Variants in CCSER1 observed in about 807,000 individuals in gnomAD.
CCSER1 encodes serine-rich coiled-coil domain-containing protein 1.
A neutral mutation model predicts 82.0 loss-of-function variants in CCSER1; 41 were observed. That is an observed-to-expected ratio of 0.50 (90% CI 0.39 to 0.65). The LOEUF is 0.65. CCSER1 is among the 30% of genes least tolerant of loss of function. CCSER1 has a pLI of 0.00. For synonymous variants in CCSER1, 414 were observed against 383.9 expected, an observed-to-expected ratio of 1.08 and a Z score of -0.92; for missense variants, 1,119 against 1,064.2, an observed-to-expected ratio of 1.05 and a Z score of -0.72.
chr4:91,286,140 T>C (rs982318047), intron 10 of CCSER1, among the ~76,000 whole-genome samples: 1 of 151,750 alleles, frequency 6.6e-6, no homozygotes, highest in African/African-American at 2.4e-5. Context: ...TTAACAATAA[T>C]TTGAAATGGA....
At chr4:90,187,515 C>T (rs1195304855) in intron 1 of CCSER1, among the ~76,000 whole-genome samples, 2 of 151,764 alleles carry the variant, frequency 1.3e-5, no homozygotes, top group African/African-American at 2.4e-5. Context: ...CCATGACATT[C>T]TCTAATTGGC....
chr4:91,140,220 A>G (rs7684928), intron 10 of CCSER1, among the ~76,000 whole-genome samples: 28,362 of 151,784 alleles, frequency 0.19, 2,977 homozygotes, highest in Non-Finnish European at 0.23. Context: ...ATTTGGTAAT[A>G]TAGTATAATG....
chr4:90,812,680 G>A (rs1042832254), intron 7 of CCSER1, among the ~76,000 whole-genome samples: 1 of 152,160 alleles, frequency 6.6e-6, no homozygotes, highest in Non-Finnish European at 1.5e-5. Flanking sequence ...AAAACAAAGA[G>A]ATTTAATTGA....
At chr4:90,153,641 G>A (rs1727359538) in intron 1 of CCSER1, among the ~76,000 whole-genome samples, 1 of 152,070 alleles carries the variant, frequency 6.6e-6, no homozygotes, top group Non-Finnish European at 1.5e-5. Flanking sequence ...GGCCAGTGAT[G>A]GTGAGCATTT....
chr4:90,540,808 C>T (rs1026983971), intron 5 of CCSER1, among the ~76,000 whole-genome samples: 1 of 151,940 alleles, frequency 6.6e-6, no homozygotes, highest in Non-Finnish European at 1.5e-5. Context: ...CTTTAGTTTC[C>T]ATATATGTAA....
intron 10 of CCSER1, among the ~76,000 whole-genome samples, chr4:91,211,535 A>G (rs1736823697): frequency 6.6e-6 from 1 of 152,130 alleles, no homozygotes; most frequent in Non-Finnish European, 1.5e-5. Flanking sequence ...TTCATGAGTT[A>G]TAGGACTATG....
intron 7 of CCSER1, among the ~76,000 whole-genome samples, chr4:90,747,435 A>G (rs1438433292): frequency 1.3e-5 from 2 of 152,156 alleles, no homozygotes; most frequent in South Asian, 2.1e-4. Flanking sequence ...AATACCAGAC[A>G]AGATTTCTGC....
rs1318515214 is a variant in CCSER1 at position 91,190,631 on chromosome 4, C to T, written c.2217+104637C>T. On this transcript the variant is annotated intron_variant, in intron 10 of 10. Transcript: ENST00000509176. ...TTCAGATTCAAAGCTAAGGAATGAC[C>T]TCTCTGAGACTGTATGCATATGCCT... Among the ~76,000 whole-genome samples the T allele has an allele frequency of 3.3e-5, 5 of 152,264 alleles. No homozygotes were observed. The East Asian group carries it at 9.7e-4, about 29-fold the overall frequency.
At chr4:90,340,753 A>G (rs2153504099) in intron 3 of CCSER1, among the ~76,000 whole-genome samples, 1 of 152,244 alleles carries the variant, frequency 6.6e-6, no homozygotes, top group Middle Eastern at 3.4e-3. Context: ...CAAGTCTTTG[A>G]AATGCTAATT....
intron 10 of CCSER1, among the ~76,000 whole-genome samples, chr4:91,372,491 A>G (rs1750112752): frequency 6.6e-6 from 1 of 152,016 alleles, no homozygotes; most frequent in African/African-American, 2.4e-5. Context: ...TTCTTCATAT[A>G]CCCTATTACC....
chr4:91,180,123 C>T (rs1044132843), intron 10 of CCSER1, among the ~76,000 whole-genome samples: 3 of 152,162 alleles, frequency 2.0e-5, no homozygotes, highest in East Asian at 1.9e-4. Context: ...TGCAGAACAG[C>T]GAATATTGCA....
intron 9 of CCSER1, among the ~76,000 whole-genome samples, chr4:90,964,600 C>T (rs1311615248): frequency 6.6e-6 from 1 of 151,612 alleles, no homozygotes; most frequent in Non-Finnish European, 1.5e-5. Flanking sequence ...TGGCAGGCGC[C>T]TGTTGTCTCA....
chr4:90,694,797 GGTGTGTGTGTGTGT>G (rs112192037), intron 6 of CCSER1, among the ~76,000 whole-genome samples: 1 of 145,362 alleles, frequency 6.9e-6, no homozygotes, highest in Non-Finnish European at 1.5e-5. Context: ...GTGTGTGTGG[GGTGTGTGTGTGTGT>G]GTGTGTGTGT....
intron 4 of CCSER1, among the ~76,000 whole-genome samples, chr4:90,411,422 A>G (rs945780773): frequency 6.6e-6 from 1 of 152,192 alleles, no homozygotes; most frequent in Non-Finnish European, 1.5e-5. Flanking sequence ...AATCTTATCC[A>G]CCACGATCAC....
At chr4:90,165,712 A>G (rs1019712913) in intron 1 of CCSER1, among the ~76,000 whole-genome samples, 1 of 152,084 alleles carries the variant, frequency 6.6e-6, no homozygotes, top group Non-Finnish European at 1.5e-5. Flanking sequence ...AGCATAGGAC[A>G]ATAATCTGAG....
chr4:91,254,874 A>G (rs1454809096), intron 10 of CCSER1, among the ~76,000 whole-genome samples: 2 of 152,300 alleles, frequency 1.3e-5, no homozygotes, highest in South Asian at 2.1e-4. Context: ...TAGCATCGCT[A>G]GAACACAGAT....
chr4:90,697,584 A>G (rs970412118), intron 6 of CCSER1, among the ~76,000 whole-genome samples: 4 of 152,190 alleles, frequency 2.6e-5, no homozygotes, highest in South Asian at 2.1e-4. Context: ...CCCGCCCACA[A>G]TCATTTCAGT....
chr4:91,454,320 G>T (rs1222122665), intron 10 of CCSER1, among the ~76,000 whole-genome samples: 2 of 151,968 alleles, frequency 1.3e-5, no homozygotes, highest in Non-Finnish European at 2.9e-5. Flanking sequence ...TCCTAGATCT[G>T]CATTCTTTGC....
intron 10 of CCSER1, among the ~76,000 whole-genome samples, chr4:91,163,471 A>G (rs933266412): frequency 6.6e-6 from 1 of 152,078 alleles, no homozygotes; most frequent in Non-Finnish European, 1.5e-5. Context: ...GCTGAGTTCA[A>G]TTCCTGGATA....
Sources: gnomAD v4.1 joint callset for allele counts (sites outside exome capture counted in the v4.1 genomes callset) on GRCh38, gnomAD v4.1.1 for gene constraint, MANE v1.5 for transcripts, NCBI Gene and HGNC (gene_info 2026-07-23, HGNC 2026-07-21) for gene names.